The following CASR variants were observed in gnomAD, a reference collection of about 807,000 sequenced individuals.
CASR encodes calcium sensing receptor.
CASR carries 23 observed loss-of-function variants against 69.1 expected under a neutral mutation model. The ratio of observed to expected loss-of-function variants is 0.33; its 90% CI spans 0.24 to 0.47. The LOEUF (loss-of-function observed/expected upper bound fraction) is 0.47. Ranked by LOEUF, CASR falls within the 20% of genes least tolerant of loss-of-function variation. The pLI is 1.00. For synonymous variants in CASR, 541 were observed against 544.7 expected (o/e 0.99, Z 0.10); for missense variants, 924 against 1,356.1 (o/e 0.68, Z 5.00).
At chr3:122,237,271 G>A (rs535189477) in intron 1 of CASR, among the ~76,000 whole-genome samples, 4 of 152,054 alleles carry the variant, frequency 2.6e-5, no homozygotes, top group African/African-American at 4.8e-5. Context: ...CACCACGCCC[G>A]ACTAATTTTT....
chr3:122,232,428 T>C (rs946844422), intron 1 of CASR, among the ~76,000 whole-genome samples: 1 of 152,078 alleles, frequency 6.6e-6, no homozygotes, highest in African/African-American at 2.4e-5. Context: ...TCATCCCTGA[T>C]GGATGAAGAG....
At chr3:122,242,277 A>G (rs977333493) in intron 1 of CASR, among the ~76,000 whole-genome samples, 9 of 152,134 alleles carry the variant, frequency 5.9e-5, no homozygotes, top group South Asian at 2.1e-4. Context: ...TATATTTAGA[A>G]AAACCTATAG....
At chr3:122,237,350 C>T (rs1450135912) in intron 1 of CASR, among the ~76,000 whole-genome samples, 1 of 152,072 alleles carries the variant, frequency 6.6e-6, no homozygotes, top group Non-Finnish European at 1.5e-5. Context: ...CCTCATGATC[C>T]ACCCACCTCA....
chr3:122,239,736 G>A (rs561485774), intron 1 of CASR, among the ~76,000 whole-genome samples: 1 of 152,330 alleles, frequency 6.6e-6, no homozygotes, highest in African/African-American at 2.4e-5. Flanking sequence ...GGCTGTGTTT[G>A]TTTTGGAGGA....
chr3:122,286,388 C>G lies in CASR; in HGVS notation c.*1197C>G, dbSNP rs886057836. The G allele has an allele frequency of 1.8e-4, 27 of 152,140 alleles. No homozygotes were observed. The highest frequency in any genetic ancestry group is 3.4e-4 in the Non-Finnish European group (23 of 68,028). 9.4% of individuals were successfully genotyped at this position (152,140 alleles called of 1,614,324 possible). A position where few individuals can be genotyped will look rare whatever the true frequency, so the allele number is the denominator to read the frequency against. On this transcript the variant is annotated 3_prime_UTR_variant, in exon 7 of 7. Transcript: ENST00000639785. The stretch of plus-strand genomic sequence containing the variant: ...CTTTAAAATAAGGATAATAATCATT[C>G]TTTCCCCTCAGAGCTCTTATGTGGA...
chr3:122,262,011 C>A lies in CASR; in HGVS notation c.976C>A (p.Gln326Lys), dbSNP rs2074631977. Residue 326 changes from glutamine (Q) to lysine (K), a missense_variant, in exon 4 of 7, where the codon CAG becomes AAG. Around this residue, in one of 8 missense-constraint regions of CASR, gnomAD observed 310 missense variants for 395.7 expected, o/e 0.78. Coordinates refer to ENST00000639785, the MANE Select transcript of CASR (RefSeq NM_000388.4). ...GTIGFALKAG[Q>K]IPGFREFLKK... is the part of the protein sequence containing the mutation. ...CATTGGATTCGCTCTGAAGGCTGGG[C>A]AGATCCCAGGCTTCCGGGAATTCCT... is the stretch of plus-strand genomic sequence containing the variant. The A allele has an allele frequency of 6.2e-7, 1 of 1,614,104 alleles. No homozygotes were observed. Among genetic ancestry groups the A allele is most frequent in the Non-Finnish European group, 8.5e-7 (1 of 1,180,032 alleles).
At chr3:122,228,669 G>A (rs899015005) in intron 1 of CASR, among the ~76,000 whole-genome samples, 1 of 152,252 alleles carries the variant, frequency 6.6e-6, no homozygotes, top group African/African-American at 2.4e-5. Flanking sequence ...AGGTGCATAT[G>A]TTTATTGATG....
At chr3:122,217,192 A>G (rs2074125443) in intron 1 of CASR, among the ~76,000 whole-genome samples, 1 of 151,224 alleles carries the variant, frequency 6.6e-6, no homozygotes, top group Non-Finnish European at 1.5e-5. Flanking sequence ...TGCAACCTCC[A>G]TCTCCCGGGC....
intron 1 of CASR, among the ~76,000 whole-genome samples, chr3:122,244,297 A>G (rs2074406270): frequency 6.6e-6 from 1 of 152,042 alleles, no homozygotes; most frequent in South Asian, 2.1e-4. Flanking sequence ...TACCCCAGAA[A>G]TATATATACC....
At chr3:122,254,960 C>T (rs1437536099) in intron 2 of CASR, among the ~76,000 whole-genome samples, 3 of 151,380 alleles carry the variant, frequency 2.0e-5, no homozygotes, top group Non-Finnish European at 2.9e-5. Context: ...GCCACCCTCC[C>T]CACCCCCCAT....
chr3:122,223,914 C>A (rs1043982434), intron 1 of CASR, among the ~76,000 whole-genome samples: 1 of 152,118 alleles, frequency 6.6e-6, no homozygotes, highest in Non-Finnish European at 1.5e-5. Flanking sequence ...CAATTTCCCA[C>A]ATAAACAGAA....
intron 2 of CASR, among the ~76,000 whole-genome samples, 175 bp from the exon 3 acceptor site, chr3:122,256,906 C>A (rs2074560408): frequency 6.6e-6 from 1 of 152,234 alleles, no homozygotes; most frequent in African/African-American, 2.4e-5. Flanking sequence ...CAGGCGTGAG[C>A]CACCACGCCC....
At chr3:122,185,412 G>T (rs1341238087) in intron 1 of CASR, among the ~76,000 whole-genome samples, 1 of 152,194 alleles carries the variant, frequency 6.6e-6, no homozygotes, top group Non-Finnish European at 1.5e-5. Context: ...GGTCCTCAGG[G>T]TAGGGAGCCT....
At chr3:122,211,317 G>A (rs2074062949) in intron 1 of CASR, among the ~76,000 whole-genome samples, 1 of 152,164 alleles carries the variant, frequency 6.6e-6, no homozygotes, top group Non-Finnish European at 1.5e-5. Context: ...CAGAATGGGA[G>A]AAAACTTTTG....
chr3:122,210,755 C>CA (rs748641958), intron 1 of CASR, among the ~76,000 whole-genome samples: 9 of 151,130 alleles, frequency 6.0e-5, no homozygotes, highest in South Asian at 2.1e-4. Context: ...TATATGGAGC[C>CA]AAAAAAAAGA....
chr3:122,214,038 T>TA (rs2074093265), intron 1 of CASR, among the ~76,000 whole-genome samples: 1 of 152,238 alleles, frequency 6.6e-6, no homozygotes, highest in Non-Finnish European at 1.5e-5. Flanking sequence ...AACTCCAAGG[T>TA]GACTGCTGAA....
At chr3:122,227,166 C>T (rs956060733) in intron 1 of CASR, among the ~76,000 whole-genome samples, 3 of 152,274 alleles carry the variant, frequency 2.0e-5, no homozygotes, top group African/African-American at 7.2e-5. Context: ...GTGGATCCCG[C>T]ACCGGGACCA....
intron 1 of CASR, among the ~76,000 whole-genome samples, chr3:122,209,386 A>G (rs561870945): frequency 1.3e-5 from 2 of 152,348 alleles, no homozygotes; most frequent in African/African-American, 4.8e-5. Context: ...CACTGCTGAT[A>G]AAGATGGGCA....
At chr3:122,240,386 A>G (rs912364045) in intron 1 of CASR, among the ~76,000 whole-genome samples, 1 of 152,252 alleles carries the variant, frequency 6.6e-6, no homozygotes, top group East Asian at 1.9e-4. Flanking sequence ...AGGACTAGCT[A>G]TACTTATATC....
Sources: gnomAD v4.1 joint callset for allele counts (sites outside exome capture counted in the v4.1 genomes callset) on GRCh38, gnomAD v4.1.1 for gene constraint, gnomAD v4.1.1 regional missense constraint, MANE v1.5 for transcripts, NCBI Gene and HGNC (gene_info 2026-07-23, HGNC 2026-07-21) for gene names.